TRDN: variants seen among roughly 807,000 people sequenced by gnomAD.
The protein encoded by TRDN is triadin.
A neutral mutation model predicts 149.7 loss-of-function variants in TRDN; 161 were observed. The observed-to-expected ratio is 1.08, with a 90% CI of 0.95 to 1.23. The LOEUF is 1.23. Ranked by LOEUF, TRDN falls within the 50% of genes most tolerant of loss-of-function variation. The pLI is 0.00. For synonymous variants in TRDN, 294 were observed against 250.5 expected (o/e 1.17, Z -1.64); for missense variants, 896 against 823.5 (o/e 1.09, Z -1.08).
chr6:123,465,340 G>T (rs769973115), intron 9 of TRDN, among the ~76,000 whole-genome samples: 1 of 151,626 alleles, frequency 6.6e-6, no homozygotes, highest in Non-Finnish European at 1.5e-5. Context: ...AAGCTGAGGG[G>T]GAATCTTAAT....
At chr6:123,584,594 G>A (rs535900613) in intron 1 of TRDN, among the ~76,000 whole-genome samples, 9 of 152,130 alleles carry the variant, frequency 5.9e-5, no homozygotes, top group Non-Finnish European at 1.0e-4. Flanking sequence ...AGATTATGCC[G>A]AGATAGGTAA....
At chr6:123,314,467 A>G (rs998480721) in intron 24 of TRDN, among the ~76,000 whole-genome samples, 1 of 152,046 alleles carries the variant, frequency 6.6e-6, no homozygotes, top group Non-Finnish European at 1.5e-5. Context: ...GTGGCATACC[A>G]TTTAACACAA....
chr6:123,275,594 T>G lies in TRDN; in HGVS notation c.1568-924A>C, dbSNP rs143480593. Reference sequence around the variant, plus strand: ...GTAGCCATCCAAGGAAACTAATCAATTTTGGTTTAGGAACATAGGTGCTGC... The same window carrying G: ...GTAGCCATCCAAGGAAACTAATCAAGTTTGGTTTAGGAACATAGGTGCTGC... On this transcript the variant is annotated intron_variant, in intron 26 of 40. Transcript: ENST00000334268. Among the ~76,000 whole-genome samples, 10 of 152,300 alleles carry G rather than the reference T, an allele frequency of 6.6e-5. No homozygotes were observed. The East Asian group carries it at 1.5e-3, about 24-fold the overall frequency.
At chr6:123,554,762 T>TA (rs1781563537) in intron 2 of TRDN, among the ~76,000 whole-genome samples, 1 of 152,130 alleles carries the variant, frequency 6.6e-6, no homozygotes, top group South Asian at 2.1e-4. Context: ...AAAATGTTTT[T>TA]AAAATCTGAA....
intron 23 of TRDN, among the ~76,000 whole-genome samples, chr6:123,325,373 G>T (rs1779404194): frequency 6.6e-6 from 1 of 151,892 alleles, no homozygotes; most frequent in Non-Finnish European, 1.5e-5. Context: ...AAAAAGTACA[G>T]AAAAATTAAA....
At chr6:123,393,512 C>CTTT (rs1772595166) in intron 13 of TRDN, 112 bp downstream of exon 13, 4 of 885,198 alleles carry the variant, frequency 4.5e-6, no homozygotes, top group African/African-American at 1.8e-5. Flanking sequence ...ATTTTTTTTG[C>CTTT]AATATCCCAG....
At chr6:123,253,421 T>C (rs1396108355) in intron 37 of TRDN, among the ~76,000 whole-genome samples, 1 of 152,124 alleles carries the variant, frequency 6.6e-6, no homozygotes. Context: ...ATTAGGTTAT[T>C]CCTATTAAAA....
intron 1 of TRDN, among the ~76,000 whole-genome samples, chr6:123,584,601 G>T (rs1783339383): frequency 6.6e-6 from 1 of 152,162 alleles, no homozygotes; most frequent in African/African-American, 2.4e-5. Flanking sequence ...GCCGAGATAG[G>T]TAACAGATGA....
chr6:123,332,969 AT>A (rs1041549908), intron 22 of TRDN, among the ~76,000 whole-genome samples: 7 of 151,998 alleles, frequency 4.6e-5, no homozygotes, highest in African/African-American at 9.6e-5. Flanking sequence ...AGCATGTAGA[AT>A]TTTTTTTAAT....
chr6:123,578,349 A>T (rs980809019), intron 1 of TRDN, among the ~76,000 whole-genome samples: 7 of 152,152 alleles, frequency 4.6e-5, no homozygotes, highest in Non-Finnish European at 7.3e-5. Flanking sequence ...TCTTCTGCAT[A>T]TGGCTAGCCA....
At chr6:123,567,272 G>T (rs1782340683) in intron 2 of TRDN, among the ~76,000 whole-genome samples, 1 of 152,158 alleles carries the variant, frequency 6.6e-6, no homozygotes, top group Non-Finnish European at 1.5e-5. Flanking sequence ...AGACATTTAT[G>T]ACTCTGGATA....
intron 24 of TRDN, among the ~76,000 whole-genome samples, chr6:123,285,190 A>C (rs891583920): frequency 6.6e-6 from 1 of 152,126 alleles, no homozygotes; most frequent in Admixed American, 6.6e-5. Context: ...AGAAAAAAAA[A>C]TCCTAGAATT....
chr6:123,359,167 G>A (rs571689776), intron 20 of TRDN, among the ~76,000 whole-genome samples: 2 of 152,236 alleles, frequency 1.3e-5, no homozygotes, highest in African/African-American at 4.8e-5. Context: ...GAGGTTTCTC[G>A]TCAATTCTCA....
chr6:123,302,078 A>G (rs1425044459), intron 24 of TRDN, among the ~76,000 whole-genome samples: 3 of 150,906 alleles, frequency 2.0e-5, no homozygotes, highest in Non-Finnish European at 4.4e-5. Context: ...TCTACATATT[A>G]TATTTTATAT....
At chr6:123,230,289 A>T (rs180688118) in intron 38 of TRDN, among the ~76,000 whole-genome samples, 1 of 152,104 alleles carries the variant, frequency 6.6e-6, no homozygotes, top group East Asian at 1.9e-4. Context: ...TCGCAGGGAC[A>T]AAAAACCAAA....
intron 10 of TRDN, among the ~76,000 whole-genome samples, chr6:123,456,628 C>T (rs932044496): frequency 6.6e-6 from 1 of 151,960 alleles, no homozygotes; most frequent in Non-Finnish European, 1.5e-5. Context: ...GCCTCCATGC[C>T]CGGCTAATTT....
chr6:123,299,434 A>AG, intron 24 of TRDN, among the ~76,000 whole-genome samples: 1 of 152,060 alleles, frequency 6.6e-6, no homozygotes, highest in South Asian at 2.1e-4. Context: ...ATGAGAATAG[A>AG]AGAGATGGGT....
intron 4 of TRDN, among the ~76,000 whole-genome samples, chr6:123,546,588 C>T (rs759598935): frequency 6.6e-6 from 1 of 152,070 alleles, no homozygotes; most frequent in Non-Finnish European, 1.5e-5. Context: ...TGGCTGTTTT[C>T]TCACAACAAA....
At chr6:123,583,018 G>A (rs138638268) in intron 1 of TRDN, among the ~76,000 whole-genome samples, 3,297 of 152,190 alleles carry the variant, frequency 0.022, 114 homozygotes, top group African/African-American at 0.074. Context: ...AAAACTAAAC[G>A]GAATAAGAGA....
Sources: gnomAD v4.1 joint callset for allele counts (sites outside exome capture counted in the v4.1 genomes callset) on GRCh38, gnomAD v4.1.1 for gene constraint, MANE v1.5 for transcripts, NCBI Gene and HGNC (gene_info 2026-07-23, HGNC 2026-07-21) for gene names.